CADM1: variants seen among roughly 807,000 people sequenced by gnomAD.
CADM1 encodes the protein TSLC-1.
CADM1 carries 15 observed loss-of-function variants against 53.1 expected under a neutral mutation model. That is an observed-to-expected ratio of 0.28 (90% CI 0.19 to 0.44). The LOEUF (loss-of-function observed/expected upper bound fraction) is 0.44. Among genes scored for constraint, CADM1 ranks in the 20% least tolerant of loss-of-function variants. CADM1 has a pLI of 1.00. For missense variants in CADM1, 434 were observed against 611.3 expected (o/e 0.71, Z 3.06); for synonymous variants, 281 against 243.0 (o/e 1.16, Z -1.45).
intron 1 of CADM1, among the ~76,000 whole-genome samples, chr11:115,347,843 C>T (rs1397021928): frequency 3.3e-5 from 5 of 152,138 alleles, no homozygotes; most frequent in Admixed American, 6.6e-5. Flanking sequence ...GAATCATTCA[C>T]AATGTCAATC....
At chr11:115,396,126 A>C (rs1946988598) in intron 1 of CADM1, among the ~76,000 whole-genome samples, 1 of 152,224 alleles carries the variant, frequency 6.6e-6, no homozygotes, top group African/African-American at 2.4e-5. Flanking sequence ...CATAATGCTA[A>C]CGTGCTATGA....
At chr11:115,342,669 G>A (rs1422497451) in intron 1 of CADM1, among the ~76,000 whole-genome samples, 3 of 151,958 alleles carry the variant, frequency 2.0e-5, no homozygotes, top group East Asian at 1.9e-4. Flanking sequence ...ATTTCCCTCT[G>A]CTGAAATTTC....
At chr11:115,227,744 A>G (rs1042931076) in intron 5 of CADM1, among the ~76,000 whole-genome samples, 2 of 152,232 alleles carry the variant, frequency 1.3e-5, no homozygotes, top group Non-Finnish European at 2.9e-5. Flanking sequence ...GTAATGTTAA[A>G]TTGAGCCAAG....
At chr11:115,346,488 C>T (rs1195159230) in intron 1 of CADM1, among the ~76,000 whole-genome samples, 1 of 152,200 alleles carries the variant, frequency 6.6e-6, no homozygotes, top group Non-Finnish European at 1.5e-5. Context: ...CCCACCTCAG[C>T]CTCTCAAAGT....
At chr11:115,289,667 C>T (rs1281819754) in intron 1 of CADM1, among the ~76,000 whole-genome samples, 5 of 147,558 alleles carry the variant, frequency 3.4e-5, no homozygotes, top group African/African-American at 7.6e-5. Flanking sequence ...GCGATCTCCG[C>T]TCACTGCAAG....
At chr11:115,237,948 C>T (rs1942068123) in intron 3 of CADM1, among the ~76,000 whole-genome samples, 1 of 152,148 alleles carries the variant, frequency 6.6e-6, no homozygotes, top group African/African-American at 2.4e-5. Flanking sequence ...TCTTTTATGT[C>T]CAATGACTGC....
Position 115,480,933 on chromosome 11 carries a change from A to G in CADM1, c.124+23338T>C, listed in dbSNP as rs193128024. The stretch of plus-strand genomic sequence containing the variant: ...CTCTTGCCCCCACCCCTCTCAGCAA[A>G]TGCCTCCTCCTGAGCCTCATCATGG... On this transcript the variant is annotated intron_variant, in intron 1 of 11. Transcript: ENST00000331581. 1.7e-3 allele frequency among the ~76,000 whole-genome samples: 264 copies of G among 152,060 alleles called. 2 individuals are homozygous for G. Among genetic ancestry groups the G allele is most frequent in the African/African-American group, 6.2e-3 (257 of 41,492 alleles).
At chr11:115,420,897 T>C (rs1279745142) in intron 1 of CADM1, among the ~76,000 whole-genome samples, 2 of 152,186 alleles carry the variant, frequency 1.3e-5, no homozygotes, top group African/African-American at 4.8e-5. Flanking sequence ...TCATTCTTGC[T>C]TGGATCCTTG....
At chr11:115,280,856 G>A (rs1204373120) in intron 1 of CADM1, among the ~76,000 whole-genome samples, 1 of 152,208 alleles carries the variant, frequency 6.6e-6, no homozygotes, top group Non-Finnish European at 1.5e-5. Context: ...TGGTCTTTCA[G>A]TGATTAATGA....
chr11:115,177,234 T>C (rs1939078232), intron 11 of CADM1, among the ~76,000 whole-genome samples: 1 of 152,200 alleles, frequency 6.6e-6, no homozygotes, highest in African/African-American at 2.4e-5. Context: ...AATGAGCAAG[T>C]AGGTCTCTCT....
At chr11:115,333,695 A>G (rs1251562523) in intron 1 of CADM1, 1 of 152,194 alleles carries the variant, frequency 6.6e-6, no homozygotes, top group African/African-American at 2.4e-5. Context: ...CTTACAAACA[A>G]GCAAGCAGCT....
chr11:115,255,321 A>C (rs536926716), intron 1 of CADM1, among the ~76,000 whole-genome samples: 168 of 152,244 alleles, frequency 1.1e-3, no homozygotes, highest in African/African-American at 3.8e-3. Flanking sequence ...ATTGTACCAA[A>C]AATATAATTA....
At chr11:115,283,700 C>T (rs1943645763) in intron 1 of CADM1, among the ~76,000 whole-genome samples, 1 of 152,182 alleles carries the variant, frequency 6.6e-6, no homozygotes, top group Non-Finnish European at 1.5e-5. Flanking sequence ...TGCCAACTTC[C>T]CTGGAAGCTA....
chr11:115,413,268 C>T (rs550281486), intron 1 of CADM1, among the ~76,000 whole-genome samples: 4 of 152,284 alleles, frequency 2.6e-5, no homozygotes, highest in African/African-American at 9.6e-5. Flanking sequence ...TTTCCTTCAA[C>T]AAATATTTCT....
intron 1 of CADM1, among the ~76,000 whole-genome samples, chr11:115,381,251 G>A (rs1035395245): frequency 1.3e-5 from 2 of 150,204 alleles, no homozygotes; most frequent in South Asian, 4.2e-4. Context: ...CCGAGATGGC[G>A]CCACTGCACT....
intron 1 of CADM1, among the ~76,000 whole-genome samples, chr11:115,498,928 G>A (rs1384474072): frequency 6.6e-6 from 1 of 152,176 alleles, no homozygotes; most frequent in Non-Finnish European, 1.5e-5. Flanking sequence ...AGGGGATAGA[G>A]CGACCAGGGG....
intron 1 of CADM1, among the ~76,000 whole-genome samples, chr11:115,493,487 AAAG>A (rs1949544796): frequency 1.3e-5 from 2 of 152,290 alleles, no homozygotes; most frequent in South Asian, 2.1e-4. Context: ...GCTCAAAACT[AAAG>A]AAGACAGAGG....
chr11:115,367,048 G>A (rs763454721), intron 1 of CADM1, among the ~76,000 whole-genome samples: 22 of 152,176 alleles, frequency 1.4e-4, no homozygotes, highest in Non-Finnish European at 2.6e-4. Context: ...CAAAACAAAA[G>A]TCTTAATAAC....
At chr11:115,491,874 T>C (rs570934508) in intron 1 of CADM1, among the ~76,000 whole-genome samples, 1 of 152,316 alleles carries the variant, frequency 6.6e-6, no homozygotes, top group South Asian at 2.1e-4. Context: ...ACACTGCATG[T>C]TCTCACTCAT....
Sources: gnomAD v4.1 joint callset for allele counts (sites outside exome capture counted in the v4.1 genomes callset) on GRCh38, gnomAD v4.1.1 for gene constraint, MANE v1.5 for transcripts, NCBI Gene and HGNC (gene_info 2026-07-23, HGNC 2026-07-21) for gene names.